TLN2: variants seen among roughly 807,000 people sequenced by gnomAD.
TLN2 encodes the protein talin-2.
A neutral mutation model predicts 294.7 loss-of-function variants in TLN2; 118 were observed. The ratio of observed to expected loss-of-function variants is 0.40; its 90% CI spans 0.34 to 0.47. The LOEUF (loss-of-function observed/expected upper bound fraction) is 0.47, where lower values mean the gene tolerates loss of function less well. Ranked by LOEUF, TLN2 falls within the 20% of genes least tolerant of loss-of-function variation. The probability of loss-of-function intolerance (pLI) is 0.84; values close to 1 mark genes in which losing one functional copy is unlikely to be tolerated. For synonymous variants in TLN2, 1,431 were observed against 1,304.5 expected (o/e 1.10, Z -2.09); for missense variants, 3,083 against 3,282.2 (o/e 0.94, Z 1.48).
intron 1 of TLN2, among the ~76,000 whole-genome samples, chr15:62,446,237 A>G (rs926511839): frequency 4.6e-5 from 7 of 151,062 alleles, no homozygotes; most frequent in African/African-American, 1.7e-4. Flanking sequence ...TGACCTCGTC[A>G]TCCGCCCGTC....
intron 54 of TLN2, among the ~76,000 whole-genome samples, chr15:62,825,863 T>TA (rs2141224994): frequency 1.1e-5 from 1 of 94,638 alleles, no homozygotes; most frequent in African/African-American, 4.7e-5. Flanking sequence ...TATATATATA[T>TA]ATATTTATAT....
chr15:62,564,461 T>A (rs2043221162), intron 1 of TLN2, among the ~76,000 whole-genome samples: 1 of 152,156 alleles, frequency 6.6e-6, no homozygotes, highest in Non-Finnish European at 1.5e-5. Flanking sequence ...TTTCAGAGAA[T>A]GAGAAAGGCG....
At chr15:62,720,337 G>C (rs1249852487) in intron 25 of TLN2, among the ~76,000 whole-genome samples, 2 of 152,124 alleles carry the variant, frequency 1.3e-5, no homozygotes, top group African/African-American at 4.8e-5. Context: ...GTCTCTGTGG[G>C]GTGAAGGGTA....
intron 1 of TLN2, among the ~76,000 whole-genome samples, chr15:62,482,411 T>G (rs2038151828): frequency 6.6e-6 from 1 of 151,658 alleles, no homozygotes; most frequent in South Asian, 2.1e-4. Flanking sequence ...GAGACCAGCC[T>G]GACCAACATG....
intron 1 of TLN2, among the ~76,000 whole-genome samples, chr15:62,407,436 C>T (rs1201132284): frequency 6.6e-6 from 1 of 152,150 alleles, no homozygotes; most frequent in Non-Finnish European, 1.5e-5. Context: ...ATCAGAAGCT[C>T]AGGTTGCAAC....
intron 1 of TLN2, among the ~76,000 whole-genome samples, chr15:62,467,240 C>G (rs898501407): frequency 6.6e-6 from 1 of 152,156 alleles, no homozygotes; most frequent in African/African-American, 2.4e-5. Context: ...CATAATTGAG[C>G]AGTAGGTTAT....
intron 1 of TLN2, among the ~76,000 whole-genome samples, chr15:62,451,965 G>T (rs1175392399): frequency 6.6e-6 from 1 of 152,180 alleles, no homozygotes; most frequent in African/African-American, 2.4e-5. Flanking sequence ...AGGGGTGTGT[G>T]TGTGTGTACG....
At chr15:62,811,222 CA>C (rs1036910105) in intron 52 of TLN2, among the ~76,000 whole-genome samples, 2 of 152,198 alleles carry the variant, frequency 1.3e-5, no homozygotes, top group Non-Finnish European at 2.9e-5. Context: ...TTCTGAAGTG[CA>C]TTTTTTGGGA....
At chr15:62,449,735 C>A (rs2035997017) in intron 1 of TLN2, among the ~76,000 whole-genome samples, 1 of 152,154 alleles carries the variant, frequency 6.6e-6, no homozygotes, top group Non-Finnish European at 1.5e-5. Context: ...ATGATCAAGC[C>A]ACTCCATCCC....
intron 55 of TLN2, 127 bp downstream of exon 55, chr15:62,833,756 C>T: frequency 7.3e-7 from 1 of 1,363,426 alleles, no homozygotes; most frequent in South Asian, 1.5e-5. Flanking sequence ...CCCTGAATTG[C>T]CACTCTCTGT....
At chr15:62,657,732 C>T in intron 8 of TLN2, 39 bp from the exon 9 acceptor site, 1 of 1,601,832 alleles carries the variant, frequency 6.2e-7, no homozygotes, top group Non-Finnish European at 8.5e-7. Context: ...GTGTCACTCC[C>T]CGAAGCCTCT....
chr15:62,686,847 T>C (rs751444528), intron 12 of TLN2, 51 bp downstream of exon 12: 3 of 1,600,362 alleles, frequency 1.9e-6, no homozygotes, highest in African/African-American at 2.7e-5. Flanking sequence ...TTGAGTGATA[T>C]TGTGGGGACA....
intron 1 of TLN2, among the ~76,000 whole-genome samples, chr15:62,460,452 G>A (rs1285918370): frequency 2.0e-5 from 3 of 152,160 alleles, no homozygotes; most frequent in Admixed American, 6.5e-5. Context: ...TAGTAGAGAC[G>A]GGGTTTCTCC....
intron 1 of TLN2, among the ~76,000 whole-genome samples, chr15:62,535,333 G>T (rs532295791): frequency 3.0e-4 from 45 of 152,162 alleles, no homozygotes; most frequent in Non-Finnish European, 4.7e-4. Context: ...TATGCGTCAG[G>T]ATTTTTAAAA....
Position 62,841,647 on chromosome 15 carries a change from C to A in TLN2, c.*1037C>A, listed in dbSNP as rs762279314. ...AATGCATCCTAAAATCAATGTGAAC[C>A]TTTAACAAGATAGTTTTACTTATTA... On this transcript the variant is annotated 3_prime_UTR_variant, in exon 59 of 59. Transcript: ENST00000636159. 178 of 152,148 alleles carry A rather than the reference C, an allele frequency of 1.2e-3. 1 individual carries two copies. Among genetic ancestry groups the A allele is most frequent in the African/African-American group, 4.0e-3 (165 of 41,430 alleles). 9.4% of individuals were successfully genotyped at this position (152,148 alleles called of 1,614,324 possible).
intron 3 of TLN2, among the ~76,000 whole-genome samples, chr15:62,643,212 A>G (rs181467409): frequency 1.1e-4 from 17 of 152,242 alleles, no homozygotes; most frequent in Admixed American, 1.0e-3. Flanking sequence ...TTGTCTTTAA[A>G]TATAATGTTG....
chr15:62,409,534 C>G (rs1389967392), intron 1 of TLN2, among the ~76,000 whole-genome samples: 7 of 152,230 alleles, frequency 4.6e-5, no homozygotes, highest in African/African-American at 1.7e-4. Context: ...AAAGCTCATG[C>G]AATTCATTTT....
At position 62,652,795 on chromosome 15, in the gene TLN2, C is replaced by A. The variant is rs552617540; in HGVS notation, c.365-367C>A. Among the ~76,000 whole-genome samples, 7 of 152,008 alleles carry A rather than the reference C, an allele frequency of 4.6e-5. No individual in the cohort carries two copies. In the East Asian group the frequency reaches 1.4e-3, roughly 29 times the overall value. ...TTTCACTACTACATTTTTAGGAAAC[C>A]TTTATGAAAGGAATTACTTAGCACT... On this transcript the variant is annotated intron_variant, in intron 6 of 58. Transcript: ENST00000636159.
intron 11 of TLN2, among the ~76,000 whole-genome samples, chr15:62,678,219 A>G (rs1007185143): frequency 5.9e-5 from 9 of 152,182 alleles, no homozygotes; most frequent in African/African-American, 2.2e-4. Flanking sequence ...GCCCATTAGT[A>G]TGACATTTTA....
Sources: gnomAD v4.1 joint callset for allele counts (sites outside exome capture counted in the v4.1 genomes callset) on GRCh38, gnomAD v4.1.1 for gene constraint, MANE v1.5 for transcripts, NCBI Gene and HGNC (gene_info 2026-07-23, HGNC 2026-07-21) for gene names.